The following TBC1D19 variants were observed in gnomAD, a reference collection of about 807,000 sequenced individuals.
The protein encoded by TBC1D19 is TBC1 domain family, member 19.
TBC1D19 carries 60 observed loss-of-function variants against 89.0 expected under a neutral mutation model. That is an observed-to-expected ratio of 0.67 (90% CI 0.55 to 0.84). The LOEUF (loss-of-function observed/expected upper bound fraction) is 0.84, where lower values mean the gene tolerates loss of function less well. Ranked by LOEUF, TBC1D19 falls within the 40% of genes least tolerant of loss-of-function variation. The probability of loss-of-function intolerance (pLI) is 0.00; values close to 1 mark genes in which losing one functional copy is unlikely to be tolerated. For missense variants in TBC1D19, 500 were observed against 610.8 expected (o/e 0.82, Z 1.91); for synonymous variants, 189 against 199.7 (o/e 0.95, Z 0.45).
chr4:26,793,563 T>C, the TBC1D19 span, among the ~76,000 whole-genome samples: 43 of 151,670 alleles, frequency 2.8e-4, no homozygotes, highest in African/African-American at 1.0e-3. Flanking sequence ...TCTCTACTAA[T>C]AGTACAAAAA....
the TBC1D19 span, among the ~76,000 whole-genome samples, chr4:26,823,658 C>T: frequency 6.6e-6 from 1 of 152,176 alleles, no homozygotes; most frequent in Non-Finnish European, 1.5e-5. Flanking sequence ...CTTTGACCCA[C>T]TAGAAGCCAG....
At chr4:26,840,745 G>A in the TBC1D19 span, among the ~76,000 whole-genome samples, 1 of 152,212 alleles carries the variant, frequency 6.6e-6, no homozygotes, top group East Asian at 1.9e-4. Context: ...CTCTGCAGCT[G>A]CTATCTTGAA....
chr4:26,792,824 C>T, the TBC1D19 span, among the ~76,000 whole-genome samples: 1 of 152,324 alleles, frequency 6.6e-6, no homozygotes, highest in Middle Eastern at 3.4e-3. Context: ...TCCAGCCAGG[C>T]CTTCCAGGCC....
intron 16 of TBC1D19, among the ~76,000 whole-genome samples, chr4:26,737,114 C>G (rs1205301684): frequency 6.6e-6 from 1 of 152,050 alleles, no homozygotes; most frequent in South Asian, 2.1e-4. Context: ...ATCAGATGGT[C>G]GTGGTGAATG....
intron 11 of TBC1D19, among the ~76,000 whole-genome samples, chr4:26,679,063 C>G (rs554656368): frequency 1.3e-5 from 2 of 152,158 alleles, no homozygotes; most frequent in South Asian, 4.2e-4. Flanking sequence ...AAAGAAACAC[C>G]CATTTTCTGG....
chr4:26,818,581 C>T, the TBC1D19 span, among the ~76,000 whole-genome samples: 1 of 152,144 alleles, frequency 6.6e-6, no homozygotes, highest in Admixed American at 6.5e-5. Context: ...GACATAATTT[C>T]AGACATATAA....
At chr4:26,704,488 G>A (rs1715578918) in intron 13 of TBC1D19, among the ~76,000 whole-genome samples, 1 of 152,126 alleles carries the variant, frequency 6.6e-6, no homozygotes. Context: ...GTGTGACATA[G>A]TTATAGATAT....
At chr4:26,724,293 A>AT (rs934229147) in intron 15 of TBC1D19, among the ~76,000 whole-genome samples, 13 of 151,818 alleles carry the variant, frequency 8.6e-5, no homozygotes, top group African/African-American at 1.7e-4. Flanking sequence ...ATTTTTTATT[A>AT]TTTTTTTTCC....
intron 1 of TBC1D19, among the ~76,000 whole-genome samples, chr4:26,607,889 C>T (rs1017673276): frequency 3.9e-5 from 6 of 152,130 alleles, no homozygotes; most frequent in African/African-American, 1.4e-4. Flanking sequence ...CACATGTGTG[C>T]TTGTGGAATG....
At chr4:26,822,746 G>A in the TBC1D19 span, among the ~76,000 whole-genome samples, 1 of 152,142 alleles carries the variant, frequency 6.6e-6, no homozygotes, top group African/African-American at 2.4e-5. Flanking sequence ...CTGCAACAGC[G>A]GGGAAGCACT....
At chr4:26,619,270 T>C (rs1741884154) in intron 3 of TBC1D19, among the ~76,000 whole-genome samples, 1 of 151,612 alleles carries the variant, frequency 6.6e-6, no homozygotes, top group South Asian at 2.1e-4. Flanking sequence ...AGTTGTGCAA[T>C]CTCGGCTCAC....
chr4:26,584,036 G>T (rs904968921), upstream of TBC1D19: 4 of 681,234 alleles, frequency 5.9e-6, no homozygotes, highest in Admixed American at 5.3e-5. Flanking sequence ...AGAGAGGGAC[G>T]GACACAAGGC....
At chr4:26,727,106 G>A (rs2109286305) in intron 15 of TBC1D19, among the ~76,000 whole-genome samples, 1 of 152,286 alleles carries the variant, frequency 6.6e-6, no homozygotes, top group Non-Finnish European at 1.5e-5. Flanking sequence ...GCTATGAGAT[G>A]TGCCCCAAGC....
intron 18 of TBC1D19, among the ~76,000 whole-genome samples, chr4:26,745,305 T>C (rs1390631587): frequency 1.3e-5 from 2 of 151,882 alleles, no homozygotes; most frequent in African/African-American, 2.4e-5. Context: ...GTTAATAAAA[T>C]TGATATTATT....
the TBC1D19 span, among the ~76,000 whole-genome samples, chr4:26,763,978 CT>C: frequency 3.9e-5 from 6 of 152,134 alleles, no homozygotes; most frequent in Non-Finnish European, 1.5e-5. Context: ...TGCAGCACCC[CT>C]AGGTGATGTA....
chr4:26,727,028 T>C (rs1717362450), intron 15 of TBC1D19, among the ~76,000 whole-genome samples: 1 of 152,206 alleles, frequency 6.6e-6, no homozygotes, highest in Non-Finnish European at 1.5e-5. Context: ...TTTCTTCAGA[T>C]GCATAAGGAA....
chr4:26,684,508 C>T (rs1225774828), intron 12 of TBC1D19, among the ~76,000 whole-genome samples: 1 of 152,156 alleles, frequency 6.6e-6, no homozygotes, highest in African/African-American at 2.4e-5. Context: ...TCTGGCCATG[C>T]TCAGGTTACG....
At chr4:26,628,524 G>A (rs1742582666) in intron 4 of TBC1D19, among the ~76,000 whole-genome samples, 3 of 152,230 alleles carry the variant, frequency 2.0e-5, no homozygotes, top group South Asian at 4.1e-4. Context: ...TTAGGCAGGA[G>A]AAGGAAATAA....
chr4:26,694,169 G>A (rs138296372), intron 13 of TBC1D19, among the ~76,000 whole-genome samples: 2,291 of 152,186 alleles, frequency 0.015, 53 homozygotes, highest in African/African-American at 0.051. Context: ...GGTGACAGAC[G>A]GCACCTGGAA....
Sources: allele counts gnomAD v4.1 joint callset (sites outside exome capture counted in the v4.1 genomes callset), GRCh38; gene constraint gnomAD v4.1.1; transcripts MANE v1.5; gene names NCBI Gene and HGNC (gene_info 2026-07-23, HGNC 2026-07-21).